The following DCAF8L2 variants were observed in gnomAD, a reference collection of about 807,000 sequenced individuals.
DCAF8L2 encodes DDB1 and CUL4 associated factor 8 like 2, also known as DDB1- and CUL4-associated factor 8-like protein 2.
For missense variants in DCAF8L2, 430 were observed against 490.7 expected (o/e 0.88, Z 1.17); for synonymous variants, 200 against 190.9 (o/e 1.05, Z -0.39).
intron 3 of DCAF8L2, among the ~76,000 whole-genome samples, chrX:27,686,890 C>A (rs1300137716): frequency 1.8e-5 from 2 of 112,338 alleles, no homozygotes; most frequent in Admixed American, 1.9e-4. Flanking sequence ...GCATTAAATT[C>A]TCATAAGGAG....
At chrX:27,648,680 CT>C (rs1929037328) in intron 2 of DCAF8L2, among the ~76,000 whole-genome samples, 1 of 110,607 alleles carries the variant, frequency 9.0e-6, no homozygotes, top group Admixed American at 9.7e-5. Context: ...CACAATCTGT[CT>C]TTTTCAGTTG....
At chrX:27,626,950 C>A (rs1928035559) in intron 1 of DCAF8L2, among the ~76,000 whole-genome samples, 1 of 109,972 alleles carries the variant, frequency 9.1e-6, no homozygotes, top group Admixed American at 9.8e-5. Flanking sequence ...TTTCAGAAAT[C>A]AATTCTTTTG....
chrX:27,481,049 A>T, the DCAF8L2 span, among the ~76,000 whole-genome samples: 1 of 111,691 alleles, frequency 9.0e-6, no homozygotes, highest in Non-Finnish European at 1.9e-5. Context: ...AGTACATAAT[A>T]TGCCAAATTT....
the DCAF8L2 span, among the ~76,000 whole-genome samples, chrX:27,494,023 T>C: frequency 8.9e-6 from 1 of 112,036 alleles, no homozygotes; most frequent in Non-Finnish European, 1.9e-5. Flanking sequence ...CCCAAATTTT[T>C]CCACTTTTTG....
In DCAF8L2 at chrX:27,747,708, A is replaced by C. The variant is rs1401536198; in HGVS notation, c.813A>C (p.Thr271=). 69 of 1,211,005 alleles carry C rather than the reference A, an allele frequency of 5.7e-5. No individual in the cohort carries two copies. Among genetic ancestry groups the C allele is most frequent in the Non-Finnish European group, 7.6e-5 (68 of 894,989 alleles). ...RPVLNFESGH[T]NNVFQAKFLP... ...TACTGAACTTTGAAAGTGGTCACACAAATAATGTCTTCCAGGCCAAGTTCC... is the reference window on the plus strand; with the variant it reads ...TACTGAACTTTGAAAGTGGTCACACCAATAATGTCTTCCAGGCCAAGTTCC... The change falls in exon 5 of 5, where the codon ACA becomes ACC. Residue 271 remains threonine (T), a synonymous_variant. Coordinates refer to ENST00000451261, the MANE Select transcript of DCAF8L2 (RefSeq NM_001353450.2).
At chrX:27,705,479 A>G (rs1931311037) in intron 3 of DCAF8L2, among the ~76,000 whole-genome samples, 1 of 111,429 alleles carries the variant, frequency 9.0e-6, no homozygotes, top group Non-Finnish European at 1.9e-5. Context: ...TTTTCATTAT[A>G]GCCATCCTAC....
At chrX:27,594,363 T>C (rs1392889985) in intron 1 of DCAF8L2, among the ~76,000 whole-genome samples, 1 of 111,445 alleles carries the variant, frequency 9.0e-6, no homozygotes, top group Non-Finnish European at 1.9e-5. Context: ...AGATAAGACA[T>C]GACAAATGGT....
chrX:27,743,144 T>C (rs1454568469), intron 4 of DCAF8L2, among the ~76,000 whole-genome samples: 1 of 108,946 alleles, frequency 9.2e-6, no homozygotes, highest in African/African-American at 3.4e-5. Context: ...TGCAGTGGCA[T>C]AAATACGGCT....
chrX:27,645,815 A>G (rs1569170415), intron 2 of DCAF8L2, among the ~76,000 whole-genome samples: 3 of 111,012 alleles, frequency 2.7e-5, no homozygotes, highest in Admixed American at 9.7e-5. Context: ...TCCCATCACA[A>G]TTGCCACAAA....
rs1278710087 is a variant in DCAF8L2, at chrX:27,598,972, A to ATAT, written c.-342+8532_-342+8533insTAT. Among the ~76,000 whole-genome samples, 469 of 81,018 alleles carry ATAT rather than the reference A, an allele frequency of 5.8e-3. 6 individuals are homozygous for ATAT. The highest frequency in any genetic ancestry group is 0.021 in the African/African-American group (440 of 21,202). The allele number at this position is 81,018 out of a possible 115,157, so 70.4% of individuals were successfully genotyped here. ...TAGGAAAGTTTCTCAAAAAAAAAAA[A>ATAT]AAATATATATATATATATATGATCC... On this transcript the variant is annotated intron_variant, in intron 1 of 4. Transcript: ENST00000451261.
the DCAF8L2 span, among the ~76,000 whole-genome samples, chrX:27,479,696 G>A: frequency 3.6e-5 from 4 of 111,980 alleles, no homozygotes; most frequent in East Asian, 1.1e-3. Flanking sequence ...TGAATTTGAT[G>A]GACAAGTAAT....
intron 2 of DCAF8L2, among the ~76,000 whole-genome samples, chrX:27,643,401 T>TC (rs1928815143): frequency 9.9e-6 from 1 of 100,563 alleles, no homozygotes; most frequent in Non-Finnish European, 2.0e-5. Flanking sequence ...TATGTATGTT[T>TC]GTTGTAAAAG....
At chrX:27,614,948 A>G (rs1447789587) in intron 1 of DCAF8L2, among the ~76,000 whole-genome samples, 1 of 111,412 alleles carries the variant, frequency 9.0e-6, no homozygotes, top group Non-Finnish European at 1.9e-5. Context: ...TTTAGCCCAT[A>G]TACACAATGA....
At chrX:27,601,362 G>A (rs1432715633) in intron 1 of DCAF8L2, among the ~76,000 whole-genome samples, 2 of 112,306 alleles carry the variant, frequency 1.8e-5, no homozygotes. Context: ...ATATTACCCA[G>A]GTAAATATGC....
the DCAF8L2 span, among the ~76,000 whole-genome samples, chrX:27,491,313 C>T: frequency 1.8e-5 from 2 of 111,695 alleles, no homozygotes; most frequent in African/African-American, 6.5e-5. Context: ...CCATATTTAT[C>T]TTTCTGCATG....
At chrX:27,636,814 C>T (rs1401938846) in intron 2 of DCAF8L2, among the ~76,000 whole-genome samples, 1 of 112,062 alleles carries the variant, frequency 8.9e-6, no homozygotes, top group African/African-American at 3.2e-5. Context: ...TCTGCTGCCA[C>T]TGTCCACAAT....
At chrX:27,519,374 C>A in the DCAF8L2 span, 1 of 1,155,709 alleles carries the variant, frequency 8.7e-7, no homozygotes, top group Non-Finnish European at 1.2e-6. Context: ...GCAAAACAAG[C>A]TGCCGACCAG....
At chrX:27,652,436 A>G (rs1054511215) in intron 2 of DCAF8L2, among the ~76,000 whole-genome samples, 11 of 111,679 alleles carry the variant, frequency 9.8e-5, no homozygotes, top group African/African-American at 3.6e-4. Context: ...GCATCAAGCA[A>G]CAAAAATCCT....
the DCAF8L2 span, among the ~76,000 whole-genome samples, chrX:27,582,199 C>CA: frequency 3.2e-3 from 362 of 111,393 alleles, no homozygotes; most frequent in Non-Finnish European, 5.9e-3. Context: ...AGAATACTTG[C>CA]AAAAAAAGTA....
Sources: gnomAD v4.1 joint callset for allele counts (sites outside exome capture counted in the v4.1 genomes callset) on GRCh38, gnomAD v4.1.1 for gene constraint, MANE v1.5 for transcripts, NCBI Gene and HGNC (gene_info 2026-07-23, HGNC 2026-07-21) for gene names.